SLC24A2: variants seen among roughly 807,000 people sequenced by gnomAD.
The protein encoded by SLC24A2 is solute carrier family 24 member 2, also known as sodium/potassium/calcium exchanger 2.
A neutral mutation model predicts 62.0 loss-of-function variants in SLC24A2; 36 were observed. The observed-to-expected ratio is 0.58, with a 90% CI of 0.44 to 0.77. SLC24A2 has a LOEUF of 0.77. Ranked by LOEUF, SLC24A2 falls within the 30% of genes least tolerant of loss-of-function variation. The pLI is 0.00. For synonymous variants in SLC24A2, 358 were observed against 294.0 expected (o/e 1.22, Z -2.23); for missense variants, 846 against 817.9 (o/e 1.03, Z -0.42).
the SLC24A2 span, among the ~76,000 whole-genome samples, chr9:19,845,164 T>C: frequency 6.6e-6 from 1 of 152,180 alleles, no homozygotes; most frequent in Non-Finnish European, 1.5e-5. Context: ...CGTTTTTCCA[T>C]TTGTTTTTGT....
chr9:20,096,630 A>G, the SLC24A2 span, among the ~76,000 whole-genome samples: 1 of 152,148 alleles, frequency 6.6e-6, no homozygotes, highest in Non-Finnish European at 1.5e-5. Flanking sequence ...GCTCATTCCA[A>G]ATAATTTCCT....
chr9:19,667,776 C>G (rs1334728605), intron 2 of SLC24A2, among the ~76,000 whole-genome samples: 1 of 152,188 alleles, frequency 6.6e-6, no homozygotes, highest in Non-Finnish European at 1.5e-5. Context: ...ACTTGGTATT[C>G]CAGCTGTTCC....
chr9:20,015,914 A>C, the SLC24A2 span, among the ~76,000 whole-genome samples: 1 of 152,224 alleles, frequency 6.6e-6, no homozygotes, highest in African/African-American at 2.4e-5. Flanking sequence ...CTGCATGTAA[A>C]TGAATCTTCT....
intron 2 of SLC24A2, among the ~76,000 whole-genome samples, chr9:19,684,116 G>A (rs1819806460): frequency 6.6e-6 from 1 of 152,252 alleles, no homozygotes; most frequent in African/African-American, 2.4e-5. Context: ...AGGAACTGAT[G>A]GGCAATCTTT....
intron 4 of SLC24A2, among the ~76,000 whole-genome samples, chr9:19,610,269 T>C (rs1462227908): frequency 6.6e-6 from 1 of 152,208 alleles, no homozygotes; most frequent in African/African-American, 2.4e-5. Context: ...AGAAAATAAG[T>C]AAGAACCTTC....
At chr9:20,185,621 C>T in the SLC24A2 span, among the ~76,000 whole-genome samples, 18 of 148,392 alleles carry the variant, frequency 1.2e-4, no homozygotes, top group Middle Eastern at 3.5e-3. Context: ...GCCGAGGTTG[C>T]GCCACTGCAC....
chr9:19,550,185 G>C lies in SLC24A2; in HGVS notation c.1431C>G (p.Phe477Leu), dbSNP rs1298134371. 6.2e-7 allele frequency: 1 copy of C among 1,614,134 alleles called. No homozygotes were observed. The highest frequency in any genetic ancestry group is 8.5e-7 in the Non-Finnish European group (1 of 1,179,984). Residue 477 changes from phenylalanine (F) to leucine (L), a missense_variant, in exon 8 of 11, where the codon TTC becomes TTG. Coordinates refer to ENST00000341998, the MANE Select transcript of SLC24A2 (RefSeq NM_020344.4). ...TAATCCAGAGAGGAAACACTATGGG[G>C]AAAACAATCAGAAACGTGACTTGCT... Reference protein sequence around the residue: ...TRKQVTFLIVFPIVFPLWITL... With the variant: ...TRKQVTFLIVLPIVFPLWITL...
the SLC24A2 span, among the ~76,000 whole-genome samples, chr9:20,221,693 A>C: frequency 6.6e-6 from 1 of 152,052 alleles, no homozygotes; most frequent in Non-Finnish European, 1.5e-5. Flanking sequence ...CAGAACATCA[A>C]AGAAAATGGA....
At chr9:19,757,829 T>C (rs1271528626) in intron 2 of SLC24A2, among the ~76,000 whole-genome samples, 2 of 152,118 alleles carry the variant, frequency 1.3e-5, no homozygotes, top group African/African-American at 4.8e-5. Flanking sequence ...ACTATACTCT[T>C]GGTAGTGAGT....
the SLC24A2 span, among the ~76,000 whole-genome samples, chr9:19,875,353 C>A: frequency 6.6e-6 from 1 of 152,118 alleles, no homozygotes; most frequent in African/African-American, 2.4e-5. Context: ...CTGACTCTGA[C>A]GAAATTGAGG....
intron 2 of SLC24A2, among the ~76,000 whole-genome samples, chr9:19,689,532 T>C (rs1329883860): frequency 2.6e-5 from 4 of 152,140 alleles, no homozygotes; most frequent in Non-Finnish European, 4.4e-5. Flanking sequence ...ATAGATGACG[T>C]CATGTTTATT....
chr9:20,220,434 A>C, the SLC24A2 span, among the ~76,000 whole-genome samples: 1 of 152,194 alleles, frequency 6.6e-6, no homozygotes, highest in Non-Finnish European at 1.5e-5. Context: ...TCAGAGCTCC[A>C]TATGGGTAAG....
At chr9:20,256,801 C>T in the SLC24A2 span, among the ~76,000 whole-genome samples, 1 of 152,042 alleles carries the variant, frequency 6.6e-6, no homozygotes, top group Non-Finnish European at 1.5e-5. Flanking sequence ...TGCAAGCAAA[C>T]TTGTAGTTCT....
the SLC24A2 span, among the ~76,000 whole-genome samples, chr9:19,900,036 G>A: frequency 6.6e-6 from 1 of 152,110 alleles, no homozygotes; most frequent in East Asian, 1.9e-4. Context: ...ACTACTTGAG[G>A]GGAGGGGCCA....
the SLC24A2 span, among the ~76,000 whole-genome samples, chr9:20,123,650 G>A: frequency 2.0e-5 from 3 of 152,150 alleles, no homozygotes; most frequent in African/African-American, 7.2e-5. Flanking sequence ...GGATTGTCAT[G>A]TGGACTGAGC....
the SLC24A2 span, among the ~76,000 whole-genome samples, chr9:19,984,771 G>A: frequency 3.3e-5 from 5 of 152,082 alleles, no homozygotes; most frequent in East Asian, 1.9e-4. Context: ...TGCCAACATC[G>A]TTCAATAGCA....
chr9:20,098,784 T>A, the SLC24A2 span, among the ~76,000 whole-genome samples: 1 of 152,224 alleles, frequency 6.6e-6, no homozygotes, highest in African/African-American at 2.4e-5. Flanking sequence ...GGGAAAGATA[T>A]GGTTAAATCC....
At chr9:19,827,659 CT>C in the SLC24A2 span, among the ~76,000 whole-genome samples, 2 of 152,100 alleles carry the variant, frequency 1.3e-5, no homozygotes, top group African/African-American at 4.8e-5. Flanking sequence ...CTCCCTCATT[CT>C]GCAAATCAAA....
intron 8 of SLC24A2, among the ~76,000 whole-genome samples, chr9:19,543,539 G>C (rs1314418375): frequency 6.6e-6 from 1 of 151,966 alleles, no homozygotes; most frequent in South Asian, 2.1e-4. Flanking sequence ...GTCGATTTTA[G>C]ATCTTTTCTG....
Sources: allele counts gnomAD v4.1 joint callset (sites outside exome capture counted in the v4.1 genomes callset), GRCh38; gene constraint gnomAD v4.1.1; transcripts MANE v1.5; gene names NCBI Gene and HGNC (gene_info 2026-07-23, HGNC 2026-07-21).